The following IGDCC3 variants were observed in gnomAD, a reference collection of about 807,000 sequenced individuals.
IGDCC3 encodes the protein immunoglobulin superfamily DCC subclass member 3.
A neutral mutation model predicts 72.0 loss-of-function variants in IGDCC3; 47 were observed. The observed-to-expected ratio is 0.65, with a 90% CI of 0.52 to 0.83. IGDCC3 has a LOEUF of 0.83. Among genes scored for constraint, IGDCC3 ranks in the 40% least tolerant of loss-of-function variants. The probability of loss-of-function intolerance (pLI) is 0.00; values close to 1 mark genes in which losing one functional copy is unlikely to be tolerated. For synonymous variants in IGDCC3, 477 were observed against 472.8 expected (o/e 1.01, Z -0.11); for missense variants, 1,038 against 1,091.3 (o/e 0.95, Z 0.69).
chr15:65,343,623 T>G (rs2091101384), intron 2 of IGDCC3, among the ~76,000 whole-genome samples: 1 of 152,070 alleles, frequency 6.6e-6, no homozygotes, highest in South Asian at 2.1e-4. Flanking sequence ...TGGATGTGGC[T>G]CTCCGAGGTA....
rs2091363848 is a variant in IGDCC3, at chr15:65,377,168, T to A, written c.103+518A>T. On this transcript the variant is annotated intron_variant, in intron 1 of 13. Transcript: ENST00000327987. The surrounding 1 kb of genome is among the most constrained non-coding windows in gnomAD (Gnocchi z 4.9). Reference sequence around the variant, plus strand: ...CAGGAATCTCCCTCGTCTTCTCCTGTCTCTCCCGCGCACTCCTCAGCCCAG... The same window carrying A: ...CAGGAATCTCCCTCGTCTTCTCCTGACTCTCCCGCGCACTCCTCAGCCCAG... Among the ~76,000 whole-genome samples the A allele has an allele frequency of 6.6e-6, 1 of 152,052 alleles. No individual in the cohort carries two copies. Among genetic ancestry groups the A allele is most frequent in the East Asian group, 1.9e-4 (1 of 5,156 alleles).
intron 2 of IGDCC3, among the ~76,000 whole-genome samples, chr15:65,340,143 T>A (rs1393233790): frequency 5.6e-4 from 85 of 152,230 alleles, no homozygotes; most frequent in African/African-American, 2.0e-3. Flanking sequence ...AAACAGTTCC[T>A]GGACACCTCT....
intron 2 of IGDCC3, among the ~76,000 whole-genome samples, chr15:65,336,439 A>G (rs924088193): frequency 6.6e-6 from 1 of 152,100 alleles, no homozygotes; most frequent in Non-Finnish European, 1.5e-5. Context: ...GGCTCAGAGA[A>G]GGGAAGCAAT....
intron 2 of IGDCC3, among the ~76,000 whole-genome samples, chr15:65,370,737 AT>A (rs1358654746): frequency 6.7e-6 from 1 of 149,836 alleles, no homozygotes; most frequent in Non-Finnish European, 1.5e-5. Context: ...AATCTTCACA[AT>A]ATTTCTCCTT....
intron 2 of IGDCC3, chr15:65,355,776 G>C (rs1424824512): frequency 4.4e-6 from 2 of 453,996 alleles, no homozygotes; most frequent in East Asian, 1.4e-4. Flanking sequence ...GGCGAATGGA[G>C]AAAATAAGAC....
In IGDCC3 at chr15:65,328,557, T is replaced by A. The variant is rs1202908460; in HGVS notation, c.*352A>T. Reference sequence around the variant, plus strand: ...GCTACAGCAGGGTCATCTTTTGGAGTCTAATTCACCTTCCTCTATCTCTCT... The same window carrying A: ...GCTACAGCAGGGTCATCTTTTGGAGACTAATTCACCTTCCTCTATCTCTCT... On this transcript the variant is annotated 3_prime_UTR_variant, in exon 14 of 14. Transcript: ENST00000327987. The A allele has an allele frequency of 1.0e-4, 19 of 190,790 alleles. No homozygotes were observed. Among genetic ancestry groups the A allele is most frequent in the Non-Finnish European group, 1.7e-4 (16 of 94,158 alleles). 11.8% of individuals were successfully genotyped at this position (190,790 alleles called of 1,614,324 possible).
intron 2 of IGDCC3, among the ~76,000 whole-genome samples, chr15:65,353,796 A>G (rs2091191057): frequency 6.6e-6 from 1 of 152,190 alleles, no homozygotes; most frequent in African/African-American, 2.4e-5. Context: ...TAAAGAGGGG[A>G]GACATGCATA....
At chr15:65,350,685 C>T (rs367593258) in intron 2 of IGDCC3, among the ~76,000 whole-genome samples, 5 of 152,248 alleles carry the variant, frequency 3.3e-5, no homozygotes, top group East Asian at 1.9e-4. Flanking sequence ...TGGTCTCGAA[C>T]TCCTGACCTC....
At chr15:65,340,076 A>T (rs946296523) in intron 2 of IGDCC3, among the ~76,000 whole-genome samples, 4 of 152,194 alleles carry the variant, frequency 2.6e-5, no homozygotes, top group African/African-American at 9.7e-5. Flanking sequence ...GGAGAGACAG[A>T]GGGCAGAGAG....
rs1567061175 is a variant in IGDCC3 at position 65,333,261 on chromosome 15, C to T, written c.978G>A (p.Val326=). The change falls in exon 6 of 14, where the codon GTG becomes GTA. Residue 326 remains valine, a synonymous_variant. Transcript: ENST00000327987. ...TCAGGGTTGGCTGATCCATACCTTG[C>T]ACCACCAGCCGGCCCTGTGCCGTTC... ...VRRTAQGRLV[V]QAPAEFVQHP... is the part of the protein sequence containing the mutation. 6.2e-7 allele frequency: 1 copy of T among 1,603,418 alleles called. No individual in the cohort carries two copies. Among genetic ancestry groups the T allele is most frequent in the South Asian group, 1.1e-5 (1 of 89,482 alleles).
At chr15:65,330,525 A>G (rs199840510) in intron 10 of IGDCC3, 25 bp downstream of exon 10, 75 of 1,607,480 alleles carry the variant, frequency 4.7e-5, no homozygotes, top group Non-Finnish European at 6.1e-5. Flanking sequence ...CAAGCCCCCT[A>G]GGCTCTGGGC....
intron 2 of IGDCC3, among the ~76,000 whole-genome samples, chr15:65,371,453 G>T (rs1277101358): frequency 6.6e-6 from 1 of 152,238 alleles, no homozygotes; most frequent in East Asian, 1.9e-4. Flanking sequence ...AATCCCCACA[G>T]CGGAGGTTAT....
chr15:65,377,686 C>T lies in IGDCC3; in HGVS notation c.103G>A (p.Gly35Ser), dbSNP rs1487729587. 2 of 1,435,174 alleles carry T rather than the reference C, an allele frequency of 1.4e-6. No homozygotes were observed. The highest frequency in any genetic ancestry group is 2.9e-5 in the East Asian group (1 of 33,900). The allele number at this position is 1,435,174 out of a possible 1,614,324, so 88.9% of individuals were successfully genotyped here. A position where few individuals can be genotyped will look rare whatever the true frequency, so the allele number is the denominator to read the frequency against. Reference sequence around the variant, plus strand: ...CCCGGTCCGGGGCGCTTTCACTCACCCTCGCTCGGCGCGGGCAGCAGCAGC... The same window carrying T: ...CCCGGTCCGGGGCGCTTTCACTCACTCTCGCTCGGCGCGGGCAGCAGCAGC... ...LLLLLPAPSE[G>S]LGHSAELAFA... The change falls in exon 1 of 14, where the codon GGT becomes AGT. Residue 35 changes from glycine (G) to serine (S), a missense_variant and splice_region_variant. Physicochemically the swap from Gly to Ser is moderately conservative, Grantham distance 56. Transcript: ENST00000327987. This position sits in a 1 kb window ranked among gnomAD's most constrained non-coding sequence, Gnocchi z 4.9.
At chr15:65,372,240 A>G (rs2091330415) in intron 2 of IGDCC3, among the ~76,000 whole-genome samples, 1 of 152,204 alleles carries the variant, frequency 6.6e-6, no homozygotes, top group Admixed American at 6.5e-5. Flanking sequence ...GCAGGATCAC[A>G]TGCACGTTTC....
chr15:65,333,257 C>G lies in IGDCC3; in HGVS notation c.982G>C (p.Ala328Pro). Residue 328 changes from alanine to proline, a missense_variant and splice_region_variant, in exon 6 of 14, where the codon GCC becomes CCC. Physicochemically the swap from Ala to Pro is conservative, Grantham distance 27. Transcript: ENST00000327987. ...RTAQGRLVVQ[A>P]PAEFVQHPQS... Reference sequence around the variant, plus strand: ...CTCCTCAGGGTTGGCTGATCCATACCTTGCACCACCAGCCGGCCCTGTGCC... The same window carrying G: ...CTCCTCAGGGTTGGCTGATCCATACGTTGCACCACCAGCCGGCCCTGTGCC... The G allele has an allele frequency of 2.5e-6, 4 of 1,601,972 alleles. No homozygotes were observed. The highest frequency in any genetic ancestry group is 3.4e-6 in the Non-Finnish European group (4 of 1,174,346).
chr15:65,370,574 GT>G (rs2091317562), intron 2 of IGDCC3, among the ~76,000 whole-genome samples: 2 of 93,340 alleles, frequency 2.1e-5, no homozygotes, highest in Non-Finnish European at 4.1e-5. Context: ...ATATATGTAT[GT>G]ATATATATGT....
intron 2 of IGDCC3, 123 bp downstream of exon 2, chr15:65,374,974 C>T: frequency 1.2e-6 from 1 of 803,626 alleles, no homozygotes; most frequent in Non-Finnish European, 2.0e-6. Context: ...CCGACCCATG[C>T]TGAGAAATTA....
In IGDCC3 at chr15:65,331,567, C is replaced by G. The variant is rs762829310; in HGVS notation, c.1241G>C (p.Arg414Thr). 1.2e-6 allele frequency: 2 copies of G among 1,613,760 alleles called. No homozygotes were observed. Among genetic ancestry groups the G allele is most frequent in the South Asian group, 2.2e-5 (2 of 91,026 alleles). ...CCCCTCAGCCCACAGTACGGTCAGC[C>G]TGGCACTGGCCTGTGATGAGCCCGC... The part of the protein sequence containing the change: ...NSAGSSQASA[R>T]LTVLWAEGLP... The change falls in exon 8 of 14, where the codon AGG (arginine) becomes ACG (threonine). Residue 414 changes from arginine (R) to threonine (T), a missense_variant. Physicochemically the swap from Arg to Thr is moderately conservative, Grantham distance 71 (BLOSUM62 -1). Coordinates refer to ENST00000327987, the MANE Select transcript of IGDCC3 (RefSeq NM_004884.4).
chr15:65,357,337 C>T (rs2091230503), intron 2 of IGDCC3, among the ~76,000 whole-genome samples: 1 of 152,108 alleles, frequency 6.6e-6, no homozygotes, highest in African/African-American at 2.4e-5. Flanking sequence ...ATTAGTGTTG[C>T]CCAGATCAAC....
Sources: gnomAD v4.1 joint callset for allele counts (sites outside exome capture counted in the v4.1 genomes callset) on GRCh38, gnomAD v4.1.1 for gene constraint, Gnocchi (gnomAD v3.1) non-coding constraint, MANE v1.5 for transcripts, NCBI Gene and HGNC (gene_info 2026-07-23, HGNC 2026-07-21) for gene names.